Variants in ADGRB3 observed in about 807,000 individuals in gnomAD.
ADGRB3 encodes the protein adhesion G protein-coupled receptor B3.
In ADGRB3, 37 loss-of-function variants were observed where a neutral mutation model predicts 193.4. The ratio of observed to expected loss-of-function variants is 0.19; its 90% CI spans 0.15 to 0.25. The LOEUF (loss-of-function observed/expected upper bound fraction) is 0.25, where lower values mean the gene tolerates loss of function less well. Ranked by LOEUF, ADGRB3 falls within the 10% of genes least tolerant of loss-of-function variation. ADGRB3 has a pLI of 1.00. For missense variants in ADGRB3, 1,637 were observed against 1,852.9 expected (o/e 0.88, Z 2.14); for synonymous variants, 690 against 644.2 (o/e 1.07, Z -1.08).
At chr6:69,038,027 C>A (rs1272982531) in intron 13 of ADGRB3, among the ~76,000 whole-genome samples, 1 of 152,052 alleles carries the variant, frequency 6.6e-6, no homozygotes. Flanking sequence ...TTGTTAAATT[C>A]TTAATTGCTA....
At chr6:68,971,605 G>T (rs890436060) in intron 8 of ADGRB3, among the ~76,000 whole-genome samples, 1 of 152,196 alleles carries the variant, frequency 6.6e-6, no homozygotes, top group African/African-American at 2.4e-5. Context: ...GAGCATCAGT[G>T]AATTTTGGTA....
chr6:69,319,239 CTT>C (rs1768388510), intron 20 of ADGRB3, among the ~76,000 whole-genome samples: 2 of 151,080 alleles, frequency 1.3e-5, no homozygotes, highest in African/African-American at 2.4e-5. Context: ...TTTAGTTTCT[CTT>C]TAATTGATTA....
intron 17 of ADGRB3, 22 bp downstream of exon 17, chr6:69,076,060 A>G (rs370745901): frequency 4.5e-5 from 73 of 1,608,874 alleles, no homozygotes; most frequent in Non-Finnish European, 5.1e-5. Flanking sequence ...ATGTTTTCCT[A>G]CATTACTTTG....
intron 20 of ADGRB3, among the ~76,000 whole-genome samples, chr6:69,267,969 C>A (rs973534592): frequency 6.6e-6 from 1 of 151,958 alleles, no homozygotes; most frequent in African/African-American, 2.4e-5. Context: ...ATGTCAGGCA[C>A]GATTTGTTCC....
At chr6:68,962,199 T>C (rs1233919188) in intron 8 of ADGRB3, among the ~76,000 whole-genome samples, 1 of 152,180 alleles carries the variant, frequency 6.6e-6, no homozygotes, top group Non-Finnish European at 1.5e-5. Flanking sequence ...ATCCCATAGA[T>C]GAGAGAGACC....
intron 3 of ADGRB3, among the ~76,000 whole-genome samples, chr6:68,911,646 C>T (rs74769755): frequency 0.032 from 4,813 of 152,112 alleles, 238 homozygotes; most frequent in African/African-American, 0.11. Context: ...ACAAAAGGGA[C>T]GTGAAACTTA....
At chr6:69,208,117 G>A (rs1004298295) in intron 17 of ADGRB3, among the ~76,000 whole-genome samples, 25 of 152,294 alleles carry the variant, frequency 1.6e-4, no homozygotes, top group South Asian at 4.1e-4. Flanking sequence ...GAGCCCATGC[G>A]TAACCTCCAT....
intron 20 of ADGRB3, among the ~76,000 whole-genome samples, chr6:69,273,314 A>G (rs1365575899): frequency 1.3e-5 from 2 of 152,200 alleles, no homozygotes; most frequent in African/African-American, 2.4e-5. Flanking sequence ...TCTAAATTCC[A>G]TATATCAAAA....
At chr6:68,898,366 G>A (rs1562077075) in intron 3 of ADGRB3, among the ~76,000 whole-genome samples, 2 of 152,044 alleles carry the variant, frequency 1.3e-5, no homozygotes. Flanking sequence ...ATTGGTGAGG[G>A]AAAATCTCTT....
chr6:68,734,066 G>A (rs1401769893), intron 3 of ADGRB3, among the ~76,000 whole-genome samples: 1 of 151,778 alleles, frequency 6.6e-6, no homozygotes, highest in African/African-American at 2.4e-5. Context: ...AGGTACAAGA[G>A]AATGTTGTTC....
rs568234942 is a variant in ADGRB3, at chr6:68,981,008, TG to T, written c.1734+5669del. Among the ~76,000 whole-genome samples the T allele has an allele frequency of 1.6e-3, 237 of 151,652 alleles. 7 individuals are homozygous for T. The highest frequency in any genetic ancestry group is 5.5e-3 in the African/African-American group (230 of 41,520). On this transcript the variant is annotated intron_variant, in intron 10 of 31. Coordinates refer to ENST00000370598, the MANE Select transcript of ADGRB3 (RefSeq NM_001704.3). ...TTATTATTATTACTAATTATAACAT[TG>T]ATTTTTGCATCCATATACATGTATT...
chr6:68,806,686 A>C (rs1261075249), intron 3 of ADGRB3, among the ~76,000 whole-genome samples: 1 of 151,796 alleles, frequency 6.6e-6, no homozygotes, highest in African/African-American at 2.4e-5. Context: ...ATAACACATA[A>C]TAAGAATATG....
At chr6:69,366,464 C>G (rs528234775) in intron 29 of ADGRB3, among the ~76,000 whole-genome samples, 1 of 152,028 alleles carries the variant, frequency 6.6e-6, no homozygotes, top group African/African-American at 2.4e-5. Flanking sequence ...TTTGCAGTGA[C>G]GAAAATAATG....
At chr6:69,341,567 C>G (rs1171504546) in intron 26 of ADGRB3, among the ~76,000 whole-genome samples, 1 of 152,036 alleles carries the variant, frequency 6.6e-6, no homozygotes, top group Non-Finnish European at 1.5e-5. Context: ...TGTTGCCAAG[C>G]CTTACTATTC....
intron 20 of ADGRB3, among the ~76,000 whole-genome samples, chr6:69,286,215 AG>A (rs1312850512): frequency 6.6e-6 from 1 of 152,046 alleles, no homozygotes; most frequent in Non-Finnish European, 1.5e-5. Context: ...ACCTTTCAGA[AG>A]TATATCCCTA....
At chr6:69,239,251 C>A in intron 20 of ADGRB3, 25 bp downstream of exon 20, 1 of 1,434,460 alleles carries the variant, frequency 7.0e-7, no homozygotes, top group Non-Finnish European at 9.7e-7. Flanking sequence ...TATTCTGATT[C>A]TTTTTTTGTG....
intron 3 of ADGRB3, among the ~76,000 whole-genome samples, chr6:68,701,581 A>G (rs1765243371): frequency 6.6e-6 from 1 of 152,204 alleles, no homozygotes; most frequent in Non-Finnish European, 1.5e-5. Context: ...TGGTGTGGCT[A>G]TTATTATAGC....
intron 3 of ADGRB3, among the ~76,000 whole-genome samples, chr6:68,820,278 C>G (rs1359629803): frequency 1.3e-5 from 2 of 152,026 alleles, no homozygotes; most frequent in Non-Finnish European, 2.9e-5. Flanking sequence ...CTCCCTCTCT[C>G]CAGCACTTTC....
rs764669550 is a variant in ADGRB3, at chr6:69,233,439, G to A, written c.2607+23G>A. 1.3e-5 allele frequency: 21 copies of A among 1,613,382 alleles called. No homozygotes were observed. The South Asian group carries it at 2.2e-4, about 17-fold the overall frequency. ...ATAGTAAGTAACAAAGGGAAAACACGGCTTTAACGCAAAGACAGGGATATT... is the reference window on the plus strand; with the variant it reads ...ATAGTAAGTAACAAAGGGAAAACACAGCTTTAACGCAAAGACAGGGATATT... On this transcript the variant is annotated intron_variant, in intron 18 of 31. Transcript: ENST00000370598.
Sources: gnomAD v4.1 joint callset for allele counts (sites outside exome capture counted in the v4.1 genomes callset) on GRCh38, gnomAD v4.1.1 for gene constraint, MANE v1.5 for transcripts, NCBI Gene and HGNC (gene_info 2026-07-23, HGNC 2026-07-21) for gene names.